The following ALG8 variants were observed in gnomAD, a reference collection of about 807,000 sequenced individuals.
ALG8 encodes the protein ALG8 alpha-1,3-glucosyltransferase.
A neutral mutation model predicts 70.2 loss-of-function variants in ALG8; 48 were observed. The observed-to-expected ratio is 0.68, with a 90% CI of 0.54 to 0.87. ALG8 has a LOEUF of 0.87. Ranked by LOEUF, ALG8 falls within the 40% of genes least tolerant of loss-of-function variation. The probability of loss-of-function intolerance (pLI) is 0.00; values close to 1 mark genes in which losing one functional copy is unlikely to be tolerated. For missense variants in ALG8, 572 were observed against 608.7 expected, an observed-to-expected ratio of 0.94 and a Z score of 0.64; for synonymous variants, 234 against 229.0, an observed-to-expected ratio of 1.02 and a Z score of -0.20.
intron 10 of ALG8, among the ~76,000 whole-genome samples, chr11:78,104,963 C>CAA (rs35118926): frequency 3.7e-4 from 39 of 104,178 alleles, no homozygotes; most frequent in Non-Finnish European, 5.9e-4. Context: ...GACTCTGTCT[C>CAA]AAAAAAAAAA....
At position 78,119,259 on chromosome 11, in the gene ALG8, G is replaced by T; in HGVS notation, c.479-10C>A. 1.2e-6 allele frequency: 2 copies of T among 1,605,426 alleles called. No individual in the cohort carries two copies. The highest frequency in any genetic ancestry group is 1.7e-6 in the Non-Finnish European group (2 of 1,172,468). On this transcript the variant is annotated splice_polypyrimidine_tract_variant and intron_variant, in intron 4 of 12. Transcript: ENST00000299626. ...TACTGAAAATGAATATCTGGACTTAGGTCAAGGAAAGACAACAGAGGACAC... is the reference window on the plus strand; with the variant it reads ...TACTGAAAATGAATATCTGGACTTATGTCAAGGAAAGACAACAGAGGACAC...
chr11:78,138,373 C>CA (rs201799398), intron 1 of ALG8, among the ~76,000 whole-genome samples: 4 of 147,382 alleles, frequency 2.7e-5, no homozygotes, highest in Non-Finnish European at 4.5e-5. Context: ...AAATAACAAA[C>CA]AAAAAAAACA....
intron 1 of ALG8, among the ~76,000 whole-genome samples, chr11:78,131,440 CA>C (rs1270797225): frequency 6.6e-6 from 1 of 152,070 alleles, no homozygotes. Context: ...CCCATCTCTA[CA>C]AAAAACTTAA....
At chr11:78,111,349 C>A (rs1860280769) in intron 8 of ALG8, among the ~76,000 whole-genome samples, 1 of 152,178 alleles carries the variant, frequency 6.6e-6, no homozygotes, top group Non-Finnish European at 1.5e-5. Context: ...TGCTTCTGTT[C>A]CTCACAACAC....
intron 5 of ALG8, among the ~76,000 whole-genome samples, chr11:78,118,043 C>A (rs1246888785): frequency 1.3e-5 from 2 of 148,882 alleles, no homozygotes; most frequent in Non-Finnish European, 3.0e-5. Flanking sequence ...TGCACTCCAG[C>A]CTGGGAGACA....
At chr11:78,109,986 T>G (rs1023630380) in intron 8 of ALG8, among the ~76,000 whole-genome samples, 23 of 152,154 alleles carry the variant, frequency 1.5e-4, no homozygotes, top group Non-Finnish European at 3.2e-4. Flanking sequence ...TCATCGCCCC[T>G]TCCCCCCTGT....
At chr11:78,112,824 C>A in intron 7 of ALG8, 54 bp from the exon 8 acceptor site, 1 of 1,595,146 alleles carries the variant, frequency 6.3e-7, no homozygotes, top group Admixed American at 1.7e-5. Context: ...TTTTCAAATT[C>A]AAAAAGAGAA....
At chr11:78,112,320 G>A (rs756921245) in intron 8 of ALG8, 9 of 341,434 alleles carry the variant, frequency 2.6e-5, no homozygotes, top group African/African-American at 4.3e-5. Flanking sequence ...GAGAAGGGGG[G>A]AAAAAAAGCA....
chr11:78,109,981 G>A (rs896564008), intron 8 of ALG8, among the ~76,000 whole-genome samples: 2 of 151,938 alleles, frequency 1.3e-5, no homozygotes, highest in Non-Finnish European at 2.9e-5. Context: ...TGATCTCATC[G>A]CCCCTTCCCC....
chr11:78,139,573 T>C lies in ALG8; in HGVS notation c.16A>G (p.Ile6Val), dbSNP rs1254720535. 1.3e-6 allele frequency: 2 copies of C among 1,557,086 alleles called. No homozygotes were observed. Among genetic ancestry groups the C allele is most frequent in the South Asian group, 1.2e-5 (1 of 84,414 alleles). The change falls in exon 1 of 13, where the codon ATT (isoleucine) becomes GTT (valine). Residue 6 changes from isoleucine to valine, a missense_variant. Physicochemically the swap from Ile to Val is conservative, Grantham distance 29 (BLOSUM62 3). Transcript: ENST00000299626. MAALT[I>V]ATGTGNWFSA... ...AACCAATTGCCAGTACCCGTGGCAA[T>C]TGTGAGCGCCGCCATTGCTGCGGCA... is the stretch of plus-strand genomic sequence containing the variant.
At chr11:78,107,195 G>GTAAA (rs1331739758) in intron 9 of ALG8, among the ~76,000 whole-genome samples, 15 of 46,810 alleles carry the variant, frequency 3.2e-4, no homozygotes, top group African/African-American at 1.4e-3. Flanking sequence ...TATTTTATAT[G>GTAAA]TAAATATATA....
chr11:78,122,671 A>G (rs1391530341), intron 3 of ALG8, among the ~76,000 whole-genome samples: 8 of 151,962 alleles, frequency 5.3e-5, no homozygotes, highest in African/African-American at 1.9e-4. Context: ...TATTCCCTCT[A>G]CTTTGCAGAT....
At chr11:78,106,201 CT>C (rs1479497052) in intron 10 of ALG8, among the ~76,000 whole-genome samples, 4 of 151,910 alleles carry the variant, frequency 2.6e-5, no homozygotes, top group African/African-American at 4.8e-5. Flanking sequence ...CAAGTTTTTT[CT>C]TTTTTTCATT....
At chr11:78,120,728 C>T (rs918353829) in intron 4 of ALG8, among the ~76,000 whole-genome samples, 14 of 152,170 alleles carry the variant, frequency 9.2e-5, no homozygotes, top group Non-Finnish European at 1.9e-4. Context: ...CTGTGATATG[C>T]CTTTTCCAAT....
intron 1 of ALG8, among the ~76,000 whole-genome samples, chr11:78,130,630 A>C (rs1241712248): frequency 6.6e-6 from 1 of 151,956 alleles, no homozygotes; most frequent in African/African-American, 2.4e-5. Flanking sequence ...GATGTTGGTA[A>C]GTCTCTTTAC....
intron 1 of ALG8, among the ~76,000 whole-genome samples, chr11:78,134,801 G>A (rs1038531432): frequency 6.6e-6 from 1 of 152,166 alleles, no homozygotes; most frequent in African/African-American, 2.4e-5. Context: ...TCCACTTCTA[G>A]TTCTCTTGCT....
At chr11:78,112,872 T>G in intron 7 of ALG8, 102 bp from the exon 8 acceptor site, 1 of 1,430,970 alleles carries the variant, frequency 7.0e-7, no homozygotes, top group Non-Finnish European at 9.5e-7. Context: ...TAGAAAGTTA[T>G]GGGGTCTGGG....
chr11:78,104,560 A>G, intron 10 of ALG8, 107 bp from the exon 11 acceptor site: 1 of 1,038,440 alleles, frequency 9.6e-7, no homozygotes, highest in Non-Finnish European at 1.4e-6. Context: ...GCATAGAAGA[A>G]CATGCTGATT....
intron 5 of ALG8, among the ~76,000 whole-genome samples, chr11:78,115,238 T>C (rs1379691173): frequency 6.6e-6 from 1 of 152,150 alleles, no homozygotes; most frequent in East Asian, 1.9e-4. Context: ...TTCACCATGT[T>C]GGCCAGGCTG....
Sources: allele counts gnomAD v4.1 joint callset (sites outside exome capture counted in the v4.1 genomes callset), GRCh38; gene constraint gnomAD v4.1.1; transcripts MANE v1.5; gene names NCBI Gene and HGNC (gene_info 2026-07-23, HGNC 2026-07-21).